MTREX: variants seen among roughly 807,000 people sequenced by gnomAD.
MTREX encodes exosome RNA helicase MTR4.
MTREX carries 76 observed loss-of-function variants against 135.4 expected under a neutral mutation model. The ratio of observed to expected loss-of-function variants is 0.56; its 90% CI spans 0.47 to 0.68. The LOEUF (loss-of-function observed/expected upper bound fraction) is 0.68, where lower values mean the gene tolerates loss of function less well. MTREX is among the 30% of genes least tolerant of loss of function. The pLI, the probability that MTREX is intolerant of heterozygous loss-of-function variation, is 0.00. For missense variants in MTREX, 920 were observed against 1,262.1 expected (o/e 0.73, Z 4.11); for synonymous variants, 404 against 401.6 (o/e 1.01, Z -0.07).
intron 11 of MTREX, among the ~76,000 whole-genome samples, chr5:55,349,138 C>T (rs1457071328): frequency 6.7e-6 from 1 of 149,550 alleles, no homozygotes; most frequent in African/African-American, 2.5e-5. Context: ...CTACTTTCTG[C>T]TTGACCATCT....
intron 18 of MTREX, among the ~76,000 whole-genome samples, chr5:55,381,862 ATTG>A (rs1278521473): frequency 3.9e-5 from 6 of 152,060 alleles, no homozygotes; most frequent in African/African-American, 1.4e-4. Flanking sequence ...TCTCGTAACT[ATTG>A]TTGTTGTATT....
At chr5:55,379,776 T>A (rs1346545718) in intron 18 of MTREX, among the ~76,000 whole-genome samples, 1 of 152,214 alleles carries the variant, frequency 6.6e-6, no homozygotes, top group East Asian at 1.9e-4. Context: ...AGTGGTTTCA[T>A]GGACATTTAC....
intron 24 of MTREX, among the ~76,000 whole-genome samples, chr5:55,414,711 G>A (rs139393121): frequency 1.2e-4 from 18 of 152,248 alleles, no homozygotes; most frequent in African/African-American, 2.2e-4. Context: ...GTGCAGTGGC[G>A]TGATCTGGGC....
chr5:55,314,304 T>C (rs1448740999), intron 1 of MTREX, among the ~76,000 whole-genome samples: 1 of 152,204 alleles, frequency 6.6e-6, no homozygotes, highest in Non-Finnish European at 1.5e-5. Flanking sequence ...TCCCAATCCC[T>C]AGAACGTTTG....
At chr5:55,310,381 G>A (rs1579840832) in intron 1 of MTREX, among the ~76,000 whole-genome samples, 1 of 152,170 alleles carries the variant, frequency 6.6e-6, no homozygotes, top group East Asian at 1.9e-4. Context: ...GCGGAGGCTG[G>A]CAGATCACCT....
rs540803293 is a variant in MTREX at position 55,381,689 on chromosome 5, C to G, written c.2052+2494C>G. Among the ~76,000 whole-genome samples, 3 of 152,256 alleles carry G rather than the reference C, an allele frequency of 2.0e-5. No individual in the cohort carries two copies. In the South Asian group the frequency reaches 6.2e-4, roughly 32 times the overall value. On this transcript the variant is annotated intron_variant, in intron 18 of 26. Coordinates refer to ENST00000230640, the MANE Select transcript of MTREX (RefSeq NM_015360.5). ...GACATGGTCTGTCCTGCAGAATGTT[C>G]TATGTGCAGTTGAGAAAAATGTGTA...
chr5:55,391,152 T>C (rs1007948083), intron 19 of MTREX, among the ~76,000 whole-genome samples: 1 of 152,096 alleles, frequency 6.6e-6, no homozygotes. Flanking sequence ...AAAAAATAAA[T>C]AAACAAGGCT....
chr5:55,388,212 T>A (rs1750510357), intron 19 of MTREX, 110 bp downstream of exon 19: 3 of 964,036 alleles, frequency 3.1e-6, no homozygotes, highest in Non-Finnish European at 4.2e-6. Flanking sequence ...ATTTCTAAAT[T>A]AGAAGTTTTC....
intron 19 of MTREX, among the ~76,000 whole-genome samples, chr5:55,394,454 C>T (rs893721625): frequency 3.3e-5 from 5 of 152,264 alleles, no homozygotes; most frequent in East Asian, 1.9e-4. Context: ...TTTCCATGGA[C>T]CAGTGTGGAG....
At chr5:55,369,012 G>A (rs925593854) in intron 16 of MTREX, among the ~76,000 whole-genome samples, 2 of 151,776 alleles carry the variant, frequency 1.3e-5, no homozygotes, top group Non-Finnish European at 2.9e-5. Context: ...TGATAAACTG[G>A]TCTTAGCAAA....
intron 1 of MTREX, among the ~76,000 whole-genome samples, chr5:55,321,362 A>G (rs746080475): frequency 3.3e-4 from 50 of 152,104 alleles, no homozygotes; most frequent in Non-Finnish European, 6.6e-4. Flanking sequence ...TAAAGTGCCC[A>G]CTAAGTCCTT....
At chr5:55,410,387 A>G (rs1426750629) in intron 22 of MTREX, 137 bp from the exon 23 acceptor site, 2 of 443,800 alleles carry the variant, frequency 4.5e-6, no homozygotes, top group Non-Finnish European at 8.1e-6. Context: ...GTCCTTAAAT[A>G]AATCATTGTC....
In MTREX at chr5:55,410,575, C is replaced by T; in HGVS notation, c.2697C>T (p.Asp899=). 1.2e-6 allele frequency: 2 copies of T among 1,611,238 alleles called. No individual in the cohort carries two copies. The highest frequency in any genetic ancestry group is 1.7e-6 in the Non-Finnish European group (2 of 1,178,128). The stretch of plus-strand genomic sequence containing the variant: ...TGATGTTTAATGGCCTTTTCAATGA[C>T]CTTTCTGCAGAACAGGCAACAGCAT... ...TEMMFNGLFN[D]LSAEQATALL... is the part of the protein sequence containing the mutation. The change falls in exon 23 of 27, where the codon GAC becomes GAT. Residue 899 remains aspartate, a synonymous_variant. Transcript: ENST00000230640.
At chr5:55,328,628 T>G in intron 4 of MTREX, 71 bp from the exon 5 acceptor site, 2 of 1,011,372 alleles carry the variant, frequency 2.0e-6, no homozygotes, top group East Asian at 2.4e-5. Flanking sequence ...AGCCTGCTTG[T>G]GTTTTGATTT....
intron 15 of MTREX, among the ~76,000 whole-genome samples, chr5:55,361,334 T>G (rs1457990649): frequency 6.6e-6 from 1 of 152,200 alleles, no homozygotes; most frequent in Non-Finnish European, 1.5e-5. Flanking sequence ...TTCAAGTCTA[T>G]TTGTCATATT....
chr5:55,341,571 C>A, intron 6 of MTREX, 110 bp from the exon 7 acceptor site: 2 of 540,516 alleles, frequency 3.7e-6, no homozygotes, highest in Non-Finnish European at 3.3e-6. Flanking sequence ...TTTAATATTT[C>A]CATTTAATAA....
At chr5:55,382,668 G>A (rs1230006160) in intron 18 of MTREX, among the ~76,000 whole-genome samples, 7 of 150,736 alleles carry the variant, frequency 4.6e-5, no homozygotes, top group East Asian at 1.9e-4. Flanking sequence ...TCACTCTGTC[G>A]CCCAGGCAGC....
In MTREX at chr5:55,424,953, T is replaced by C; in HGVS notation, c.*181T>C. ...TGTTTATACATAAGCATTACATTTT[T>C]TTAATAAAAATGTATACAGGTGGGG... On this transcript the variant is annotated 3_prime_UTR_variant, in exon 27 of 27. Coordinates refer to ENST00000230640, the MANE Select transcript of MTREX (RefSeq NM_015360.5). 1.6e-6 allele frequency: 1 copy of C among 644,144 alleles called. No homozygotes were observed. The highest frequency in any genetic ancestry group is 2.6e-6 in the Non-Finnish European group (1 of 382,972). 39.9% of individuals were successfully genotyped at this position (644,144 alleles called of 1,614,324 possible).
At chr5:55,404,935 C>T (rs1239750378) in intron 21 of MTREX, among the ~76,000 whole-genome samples, 1 of 151,854 alleles carries the variant, frequency 6.6e-6, no homozygotes, top group African/African-American at 2.4e-5. Context: ...TCCTGAGTAG[C>T]TGGGACTACA....
Sources: allele counts gnomAD v4.1 joint callset (sites outside exome capture counted in the v4.1 genomes callset), GRCh38; gene constraint gnomAD v4.1.1; transcripts MANE v1.5; gene names NCBI Gene and HGNC (gene_info 2026-07-23, HGNC 2026-07-21).